The following INSRR variants were observed in gnomAD, a reference collection of about 807,000 sequenced individuals.
INSRR encodes insulin receptor-related protein.
A neutral mutation model predicts 130.0 loss-of-function variants in INSRR; 114 were observed. The observed-to-expected ratio is 0.88, with a 90% CI of 0.75 to 1.02. The LOEUF (loss-of-function observed/expected upper bound fraction) is 1.02, where lower values mean the gene tolerates loss of function less well. INSRR is among the 50% of genes least tolerant of loss of function. INSRR has a pLI of 0.00. For synonymous variants in INSRR, 674 were observed against 705.2 expected, an observed-to-expected ratio of 0.96 and a Z score of 0.70; for missense variants, 1,657 against 1,735.2, an observed-to-expected ratio of 0.95 and a Z score of 0.80.
chr1:156,843,429 T>C lies in INSRR; in HGVS notation c.2894A>G (p.Asp965Gly). 6.2e-7 allele frequency: 1 copy of C among 1,614,074 alleles called. No individual in the cohort carries two copies. The highest frequency in any genetic ancestry group is 8.5e-7 in the Non-Finnish European group (1 of 1,179,914). ...SVNPEYFSAS[D>G]MYVPDEWEVP... ...TGTCCACCCACTCCCAGACCTACTA[T>C]CAGAGGCGCTGAAGTACTCTGGATT... Residue 965 changes from aspartate to glycine, a missense_variant and splice_region_variant, in exon 16 of 22, where the codon GAT (aspartate) becomes GGT (glycine). Transcript: ENST00000368195.
At position 156,857,578 on chromosome 1, in the gene INSRR, G is replaced by A. The variant is rs1276471590; in HGVS notation, c.85+959C>T. ...TGCTGTGCAGAAGAGGAGGGGGTTC[G>A]GTGGTCGGGGGAGTGGTGCTATGCC... On this transcript the variant is annotated intron_variant, in intron 1 of 21. Coordinates refer to ENST00000368195, the MANE Select transcript of INSRR (RefSeq NM_014215.3). 2.6e-5 allele frequency among the ~76,000 whole-genome samples: 4 copies of A among 152,184 alleles called. No individual in the cohort carries two copies. In the South Asian group the frequency reaches 6.2e-4, roughly 24 times the overall value.
chr1:156,844,335 A>AG (rs1332697749), intron 14 of INSRR, 55 bp from the exon 15 acceptor site: 1 of 1,556,814 alleles, frequency 6.4e-7, no homozygotes, highest in African/African-American at 1.4e-5. Flanking sequence ...GTCAGAGGGA[A>AG]GGTCATGCTT....
At chr1:156,842,723 A>C (rs761116794) in intron 17 of INSRR, among the ~76,000 whole-genome samples, 1 of 152,160 alleles carries the variant, frequency 6.6e-6, no homozygotes, top group Non-Finnish European at 1.5e-5. Context: ...ACTTGGTCCA[A>C]CTTTGGCCTT....
chr1:156,845,773 C>T lies in INSRR; in HGVS notation c.2020G>A (p.Gly674Ser), dbSNP rs536465147. 2.5e-6 allele frequency: 4 copies of T among 1,613,140 alleles called. No homozygotes were observed. The East Asian group carries it at 8.9e-5, about 36-fold the overall frequency. Residue 674 changes from glycine (G) to serine (S), a missense_variant, in exon 10 of 22, where the codon GGC (glycine) becomes AGC (serine). Coordinates refer to ENST00000368195, the MANE Select transcript of INSRR (RefSeq NM_014215.3). ...PTSNNDPRFD[G>S]EDGDPEAEME... ...TCGGCCTCAGGATCCCCGTCTTCGC[C>T]GTCGAAGCGCGGATCGTTGTTGCTG...
At position 156,843,043 on chromosome 1, in the gene INSRR, C is replaced by T. The variant is rs1268477963; in HGVS notation, c.3087G>A (p.Lys1029=). ...TGAAGGCTTTCATGACAGAAGCTTC[C>T]TTGAGGAACTCAATGCATTCCCGTG... is the stretch of plus-strand genomic sequence containing the variant. ...ASPRECIEFL[K]EASVMKAFKC... The change falls in exon 17 of 22, where the codon AAG becomes AAA. Residue 1029 remains lysine, a synonymous_variant. Transcript: ENST00000368195. 6.2e-7 allele frequency: 1 copy of T among 1,614,132 alleles called. No homozygotes were observed. Among genetic ancestry groups the T allele is most frequent in the South Asian group, 1.1e-5 (1 of 91,076 alleles).
chr1:156,843,007 ATGGTG>A lies in INSRR; in HGVS notation c.3118_3122del (p.His1040CysfsTer36), dbSNP rs866442019. On this transcript the variant is annotated frameshift_variant, in exon 17 of 22. Transcript: ENST00000368195. LOFTEE classifies it high-confidence loss of function. ...AATGCCCTTGGCTCTCCCTTACCAC[ATGGTG>A]ACACTTGAAGGCTTTCATGACAGAA... 1 of 1,611,396 alleles carries A rather than the reference ATGGTG, an allele frequency of 6.2e-7. No homozygotes were observed. Among genetic ancestry groups the A allele is most frequent in the African/African-American group, 1.3e-5 (1 of 74,848 alleles).
chr1:156,843,348 A>T, intron 16 of INSRR, 79 bp downstream of exon 16: 1 of 1,575,982 alleles, frequency 6.3e-7, no homozygotes, highest in Non-Finnish European at 8.7e-7. Flanking sequence ...CTTCTGCAAG[A>T]AGGTCTTCTG....
intron 1 of INSRR, among the ~76,000 whole-genome samples, chr1:156,855,036 G>A (rs1015749643): frequency 2.6e-5 from 4 of 152,198 alleles, no homozygotes; most frequent in Non-Finnish European, 4.4e-5. Flanking sequence ...ACTATAACAA[G>A]CCAGCAAAGC....
chr1:156,847,208 C>G (rs1177977489), intron 7 of INSRR, among the ~76,000 whole-genome samples: 1 of 152,180 alleles, frequency 6.6e-6, no homozygotes, highest in Non-Finnish European at 1.5e-5. Context: ...ATGAGCCTCC[C>G]AAACTATAGC....
intron 2 of INSRR, 132 bp downstream of exon 2, chr1:156,853,620 C>T (rs1655305912): frequency 2.1e-6 from 2 of 934,172 alleles, no homozygotes; most frequent in African/African-American, 1.6e-5. Flanking sequence ...TCCTTACCTG[C>T]CTCATAGGAT....
chr1:156,849,694 T>TG (rs1655136722), intron 5 of INSRR, among the ~76,000 whole-genome samples: 1 of 152,090 alleles, frequency 6.6e-6, no homozygotes, highest in African/African-American at 2.4e-5. Flanking sequence ...ATCAGTGAAA[T>TG]GGGGTCCTCA....
chr1:156,849,510 TG>T (rs759447064), intron 5 of INSRR, 50 bp from the exon 6 acceptor site: 19 of 288,446 alleles, frequency 6.6e-5, no homozygotes, highest in South Asian at 4.7e-4. Flanking sequence ...GGGCAGGGGG[TG>T]GGAAAGGGGA....
chr1:156,845,467 C>T (rs1362887881), intron 10 of INSRR, 54 bp from the exon 11 acceptor site: 3 of 1,519,314 alleles, frequency 2.0e-6, no homozygotes, highest in Non-Finnish European at 2.6e-6. Flanking sequence ...CCCCTGTGCC[C>T]TCTGCAGCGC....
At position 156,841,673 on chromosome 1, in the gene INSRR, C is replaced by T. The variant is rs761696263; in HGVS notation, c.3519G>A (p.Ser1173=). The T allele has an allele frequency of 1.1e-5, 17 of 1,613,968 alleles. No individual in the cohort carries two copies. The highest frequency in any genetic ancestry group is 1.7e-4 in the Middle Eastern group (1 of 6,060). ...CTCCAGCTCGGCCCCACCAGACATC[C>T]GAGTGGGTGGTGAAGATCCCATCTT... The part of the protein sequence containing the change: ...SLKDGIFTTH[S]DVWSFGVVLW... The change falls in exon 20 of 22, where the codon TCG becomes TCA. Residue 1173 remains serine, a synonymous_variant. Transcript: ENST00000368195.
Position 156,848,978 on chromosome 1 carries a change from C to T in INSRR, c.1514G>A (p.Arg505His). 3.1e-6 allele frequency: 5 copies of T among 1,608,854 alleles called. No homozygotes were observed. The highest frequency in any genetic ancestry group is 4.2e-6 in the Non-Finnish European group (5 of 1,178,084). ...EADRILLRWE[R>H]YEPLEARDLL... is the part of the protein sequence containing the mutation. ...GTCGCGGGCCTCCAGTGGCTCATAGCGCTCCCAGCGTAGCAGGATGCGGTC... is the reference window on the plus strand; with the variant it reads ...GTCGCGGGCCTCCAGTGGCTCATAGTGCTCCCAGCGTAGCAGGATGCGGTC... The change falls in exon 7 of 22, where the codon CGC becomes CAC. Residue 505 changes from arginine (R) to histidine (H), a missense_variant. By Grantham distance (29) the Arg-to-His change is conservative. Coordinates refer to ENST00000368195, the MANE Select transcript of INSRR (RefSeq NM_014215.3).
Position 156,841,779 on chromosome 1 carries a change from C to G in INSRR, c.3413G>C (p.Arg1138Pro). Residue 1138 changes from arginine to proline, a missense_variant, in exon 20 of 22, where the codon CGG (arginine) becomes CCG (proline). By Grantham distance (103) the Arg-to-Pro change is moderately radical. Coordinates refer to ENST00000368195, the MANE Select transcript of INSRR (RefSeq NM_014215.3). The stretch of plus-strand genomic sequence containing the variant: ...GTAATAGTCTGTCTCATACACGTCC[C>G]GAGTCATCCCGAAGTCTGGAAAGTG... ...TVKIGDFGMT[R>P]DVYETDYYRK... 2 of 1,614,098 alleles carry G rather than the reference C, an allele frequency of 1.2e-6. No individual in the cohort carries two copies. Among genetic ancestry groups the G allele is most frequent in the Non-Finnish European group, 1.7e-6 (2 of 1,179,992 alleles).
chr1:156,854,347 A>G lies in INSRR; in HGVS notation c.86-44T>C. On this transcript the variant is annotated intron_variant, in intron 1 of 21. Transcript: ENST00000368195. This position sits in a 1 kb window ranked among gnomAD's most constrained non-coding sequence, Gnocchi z 4.2. ...CGCAGCATTGAGTACAGCCCAGGCC[A>G]AATTCCCCATCCAGCCCTGGCAGCT... 6.5e-7 allele frequency: 1 copy of G among 1,539,180 alleles called. No individual in the cohort carries two copies. Among genetic ancestry groups the G allele is most frequent in the Non-Finnish European group, 8.8e-7 (1 of 1,141,220 alleles).
chr1:156,848,176 C>T (rs924679784), intron 7 of INSRR, among the ~76,000 whole-genome samples: 1 of 152,094 alleles, frequency 6.6e-6, no homozygotes, highest in Non-Finnish European at 1.5e-5. Flanking sequence ...GAGTGGGTCT[C>T]CTACAACTGA....
intron 17 of INSRR, 93 bp from the exon 18 acceptor site, chr1:156,842,601 C>T: frequency 2.2e-6 from 2 of 898,732 alleles, no homozygotes; most frequent in South Asian, 2.8e-5. Flanking sequence ...CTGACTCAGA[C>T]ACCAAACCTG....
Sources: allele counts gnomAD v4.1 joint callset (sites outside exome capture counted in the v4.1 genomes callset), GRCh38; gene constraint gnomAD v4.1.1; non-coding constraint Gnocchi (gnomAD v3.1); transcripts MANE v1.5; gene names NCBI Gene and HGNC (gene_info 2026-07-23, HGNC 2026-07-21).